Variants in KDM3B observed in about 807,000 individuals in gnomAD.
KDM3B encodes the protein lysine demethylase 3B.
Under a neutral mutation model 170.0 loss-of-function variants are expected in KDM3B, and 10 were observed. The observed-to-expected ratio is 0.06, with a 90% CI of 0.04 to 0.10. The LOEUF (loss-of-function observed/expected upper bound fraction) is 0.10. KDM3B is among the 10% of genes least tolerant of loss of function. KDM3B has a pLI of 1.00. For missense variants in KDM3B, 1,394 were observed against 2,195.2 expected (o/e 0.64, Z 7.29); for synonymous variants, 831 against 834.8 (o/e 1.00, Z 0.08).
At chr5:138,377,941 G>T in intron 4 of KDM3B, 116 bp downstream of exon 4, 1 of 528,944 alleles carries the variant, frequency 1.9e-6, no homozygotes, top group Admixed American at 3.6e-5. Flanking sequence ...CTTTTTGTGG[G>T]CAGAGTCAGA....
In KDM3B at chr5:138,391,826, C is replaced by T. The variant is rs199977028; in HGVS notation, c.2194C>T (p.Leu732Phe). ...CCGCTCCAGCTCGCCCACCAGCAGCCTCACTCAGCCCATTGAGATGCCAAC... is the reference window on the plus strand; with the variant it reads ...CCGCTCCAGCTCGCCCACCAGCAGCTTCACTCAGCCCATTGAGATGCCAAC... ...NGRSSSPTSS[L>F]TQPIEMPTLS... Residue 732 changes from leucine to phenylalanine, a missense_variant, in exon 8 of 24, where the codon CTC (leucine) becomes TTC (phenylalanine). Leu to Phe is a conservative substitution (Grantham distance 22). Coordinates refer to ENST00000314358, the MANE Select transcript of KDM3B (RefSeq NM_016604.4). The surrounding 1 kb of genome is among the most constrained non-coding windows in gnomAD (Gnocchi z 5.0). The T allele has an allele frequency of 1.2e-6, 2 of 1,614,162 alleles. No homozygotes were observed. The highest frequency in any genetic ancestry group is 1.7e-6 in the Non-Finnish European group (2 of 1,180,036).
rs977945328 is a variant in KDM3B, at chr5:138,426,912, C to T, written c.4412-63C>T. ...AAAGAGATTAGTCTCCCAAAAGTTA[C>T]TGTTGAAAATCGGACACCAGCCAAA... On this transcript the variant is annotated intron_variant, in intron 17 of 23. Transcript: ENST00000314358. The T allele has an allele frequency of 2.2e-5, 23 of 1,027,090 alleles. 1 individual carries two copies. Among genetic ancestry groups the T allele is most frequent in the East Asian group, 1.7e-4 (7 of 40,428 alleles). 63.6% of individuals were successfully genotyped at this position (1,027,090 alleles called of 1,614,324 possible).
chr5:138,378,041 TTC>T (rs1561764654), intron 4 of KDM3B, among the ~76,000 whole-genome samples: 1 of 152,170 alleles, frequency 6.6e-6, no homozygotes, highest in Non-Finnish European at 1.5e-5. Context: ...AGAGATCTCA[TTC>T]TCTCTCCATC....
intron 1 of KDM3B, among the ~76,000 whole-genome samples, chr5:138,366,282 A>G (rs538521070): frequency 1.6e-4 from 25 of 152,134 alleles, no homozygotes; most frequent in African/African-American, 5.5e-4. Context: ...TTGATTCCCT[A>G]TTTAAACTGA....
At chr5:138,412,423 G>A (rs1184400914) in intron 11 of KDM3B, among the ~76,000 whole-genome samples, 1 of 151,980 alleles carries the variant, frequency 6.6e-6, no homozygotes, top group Non-Finnish European at 1.5e-5. Context: ...GGAGGCCAAG[G>A]CAGTGGGATT....
At chr5:138,393,046 A>G in intron 8 of KDM3B, 125 bp from the exon 9 acceptor site, 2 of 775,150 alleles carry the variant, frequency 2.6e-6, no homozygotes, top group Non-Finnish European at 4.3e-6. Context: ...CATAATGGGT[A>G]CATGCCCAAG....
chr5:138,386,470 T>C lies in KDM3B; in HGVS notation c.1229T>C (p.Leu410Pro). The C allele has an allele frequency of 6.2e-7, 1 of 1,614,176 alleles. No homozygotes were observed. Among genetic ancestry groups the C allele is most frequent in the Non-Finnish European group, 8.5e-7 (1 of 1,180,036 alleles). ...GAENKEAGKTLEQVGQGIVAS... is the reference protein window; with the variant it reads ...GAENKEAGKTPEQVGQGIVAS... ...GAAAACAAAGAGGCAGGAAAAACAC[T>C]GGAACAAGTTGGCCAGGGCATAGTG... The change falls in exon 7 of 24, where the codon CTG becomes CCG. Residue 410 changes from leucine to proline, a missense_variant. Around this residue, in one of 19 missense-constraint regions of KDM3B, gnomAD observed 205 missense variants for 227.6 expected, o/e 0.90. Coordinates refer to ENST00000314358, the MANE Select transcript of KDM3B (RefSeq NM_016604.4).
At chr5:138,364,195 G>C (rs1164343177) in intron 1 of KDM3B, among the ~76,000 whole-genome samples, 1 of 152,064 alleles carries the variant, frequency 6.6e-6, no homozygotes, top group Non-Finnish European at 1.5e-5. Context: ...TGGGATTACA[G>C]GTTGTAAGCC....
intron 1 of KDM3B, among the ~76,000 whole-genome samples, chr5:138,358,917 A>G (rs1241366933): frequency 6.7e-6 from 1 of 150,052 alleles, no homozygotes; most frequent in African/African-American, 2.4e-5. Flanking sequence ...AGCATTAGGT[A>G]TATCTCCTAA....
chr5:138,392,176 T>C lies in KDM3B; in HGVS notation c.2544T>C (p.Asn848=), dbSNP rs1762451030. 1 of 1,567,038 alleles carries C rather than the reference T, an allele frequency of 6.4e-7. No individual in the cohort carries two copies. The highest frequency in any genetic ancestry group is 1.2e-5 in the South Asian group (1 of 85,346). The change falls in exon 8 of 24, where the codon AAT becomes AAC. Residue 848 remains asparagine, a synonymous_variant. Transcript: ENST00000314358. ...ACCTGATGGGGAAGCTGGGCCCCAA[T>C]GGGGAGCGCAGTGCTGAGCTGTTGC... ...PEHLMGKLGP[N]GERSAELLLG...
intron 23 of KDM3B, among the ~76,000 whole-genome samples, chr5:138,434,324 C>G (rs951214044): frequency 2.8e-4 from 42 of 152,014 alleles, no homozygotes; most frequent in Non-Finnish European, 4.1e-4. Flanking sequence ...CCGAGGTGGG[C>G]AGATCACAAG....
intron 4 of KDM3B, among the ~76,000 whole-genome samples, chr5:138,378,687 A>G (rs1369819198): frequency 6.6e-6 from 1 of 151,958 alleles, no homozygotes; most frequent in Non-Finnish European, 1.5e-5. Context: ...GATGTTAAAT[A>G]ATCAAGGAAA....
intron 9 of KDM3B, among the ~76,000 whole-genome samples, chr5:138,396,320 C>T (rs1026427680): frequency 6.6e-6 from 1 of 152,118 alleles, no homozygotes; most frequent in African/African-American, 2.4e-5. Flanking sequence ...TGGTCTTGAT[C>T]TCCTGACCTC....
rs763983126 is a variant in KDM3B, at chr5:138,399,886, C to T, written c.3073C>T (p.Arg1025Cys). The T allele has an allele frequency of 1.5e-5, 25 of 1,613,768 alleles. No individual in the cohort carries two copies. Among genetic ancestry groups the T allele is most frequent in the Non-Finnish European group, 1.9e-5 (22 of 1,179,892 alleles). The change falls in exon 11 of 24, where the codon CGT becomes TGT. Residue 1025 changes from arginine to cysteine, a missense_variant. Arg to Cys is a radical substitution (Grantham distance 180). Around this residue, in one of 19 missense-constraint regions of KDM3B, gnomAD observed 76 missense variants for 190.2 expected, o/e 0.40. Coordinates refer to ENST00000314358, the MANE Select transcript of KDM3B (RefSeq NM_016604.4). The part of the protein sequence containing the change: ...HQKVAWKRAV[R>C]GVREMCDVCE... ...GAAAGTGGCATGGAAGCGAGCTGTG[C>T]GTGGTGTACGGGAGATGTGTGATGT...
At position 138,393,381 on chromosome 5, in the gene KDM3B, A is replaced by G. The variant is rs1287503236; in HGVS notation, c.2831+9A>G. On this transcript the variant is annotated intron_variant, in intron 9 of 23. Coordinates refer to ENST00000314358, the MANE Select transcript of KDM3B (RefSeq NM_016604.4). Reference sequence around the variant, plus strand: ...TTCTTTCACTTCCGGAGGTACCCAAACTCCTGTTTTCCTCCTTTGCTAGTT... The same window carrying G: ...TTCTTTCACTTCCGGAGGTACCCAAGCTCCTGTTTTCCTCCTTTGCTAGTT... The G allele has an allele frequency of 6.2e-7, 1 of 1,610,112 alleles. No homozygotes were observed. The highest frequency in any genetic ancestry group is 1.3e-5 in the African/African-American group (1 of 74,746).
rs1416002845 is a variant in KDM3B at position 138,391,975 on chromosome 5, A to G, written c.2343A>G (p.Ala781=). 5 of 1,613,410 alleles carry G rather than the reference A, an allele frequency of 3.1e-6. No individual in the cohort carries two copies. ...RHSGGFLSSP[A]DFSQENKAPF... is the part of the protein sequence containing the mutation. ...CAGGCGGCTTTCTGTCCTCCCCGGC[A>G]GATTTTTCACAGGAGAACAAAGCTC... Residue 781 remains alanine (A), a synonymous_variant, in exon 8 of 24, where the codon GCA becomes GCG. Coordinates refer to ENST00000314358, the MANE Select transcript of KDM3B (RefSeq NM_016604.4). This position sits in a 1 kb window ranked among gnomAD's most constrained non-coding sequence, Gnocchi z 5.0.
intron 15 of KDM3B, among the ~76,000 whole-genome samples, chr5:138,421,170 T>C (rs1763263701): frequency 6.6e-6 from 1 of 152,254 alleles, no homozygotes; most frequent in South Asian, 2.1e-4. Flanking sequence ...GATTTTGAAA[T>C]GTTTCGGTCA....
chr5:138,353,514 C>T lies in KDM3B; in HGVS notation c.192+527C>T, dbSNP rs150334892. ...GGCTTTTTTATCTGGCAGTTACTTC[C>T]TCATCTGAGCTGGGCTCGGCCTGGC... On this transcript the variant is annotated intron_variant, in intron 1 of 23. Transcript: ENST00000314358. 2.0e-3 allele frequency among the ~76,000 whole-genome samples: 311 copies of T among 152,276 alleles called. 1 individual carries two copies. The highest frequency in any genetic ancestry group is 6.5e-3 in the African/African-American group (269 of 41,550).
chr5:138,420,941 G>C lies in KDM3B; in HGVS notation c.3951G>C (p.Pro1317=), dbSNP rs144228142. ...TPLDTGIPFP[P]VFSTSSAGVK... ...TGGACACAGGCATACCCTTTCCCCC[G>C]GTCTTCTCTACATCCTCAGCAGTAA... The change falls in exon 15 of 24, where the codon CCG becomes CCC. Residue 1317 remains proline (P), a synonymous_variant. Transcript: ENST00000314358. 1 of 1,613,856 alleles carries C rather than the reference G, an allele frequency of 6.2e-7. No homozygotes were observed. Among genetic ancestry groups the C allele is most frequent in the East Asian group, 2.2e-5 (1 of 44,882 alleles).
Sources: allele counts gnomAD v4.1 joint callset (sites outside exome capture counted in the v4.1 genomes callset), GRCh38; gene constraint gnomAD v4.1.1; regional missense constraint gnomAD v4.1.1; non-coding constraint Gnocchi (gnomAD v3.1); transcripts MANE v1.5; gene names NCBI Gene and HGNC (gene_info 2026-07-23, HGNC 2026-07-21).